The following NCL variants were observed in gnomAD, a reference collection of about 807,000 sequenced individuals.
NCL encodes the protein nucleolin multifunctional protein.
A neutral mutation model predicts 77.7 loss-of-function variants in NCL; 4 were observed. The ratio of observed to expected loss-of-function variants is 0.05; its 90% CI spans 0.03 to 0.12. NCL has a LOEUF of 0.12. NCL is among the 10% of genes least tolerant of loss of function. The pLI is 1.00. For missense variants in NCL, 763 were observed against 860.9 expected, an observed-to-expected ratio of 0.89 and a Z score of 1.42; for synonymous variants, 344 against 297.8, an observed-to-expected ratio of 1.16 and a Z score of -1.60.
chr2:231,454,287 AG>A lies in NCL; in HGVS notation c.*903del, dbSNP rs1229635495. The stretch of plus-strand genomic sequence containing the variant: ...CAGCCTCCTGAGTAGCTGGGACTAC[AG>A]GAGTACACCACCATGCCCAGCTAAT... On this transcript the variant is annotated 3_prime_UTR_variant, in exon 14 of 14. Transcript: ENST00000322723. 2 of 152,442 alleles carry A rather than the reference AG, an allele frequency of 1.3e-5. No homozygotes were observed. The highest frequency in any genetic ancestry group is 2.9e-5 in the Non-Finnish European group (2 of 68,266). The allele number at this position is 152,442 out of a possible 1,614,324, so 9.4% of individuals were successfully genotyped here. A position where few individuals can be genotyped will look rare whatever the true frequency, so the allele number is the denominator to read the frequency against.
chr2:231,457,247 T>A, intron 9 of NCL, 123 bp from the exon 10 acceptor site: 1 of 1,325,176 alleles, frequency 7.5e-7, no homozygotes, highest in Non-Finnish European at 1.1e-6. Context: ...ACTCATGACG[T>A]AAGCTAAATC....
At chr2:231,459,592 C>T (rs1242250352) in intron 6 of NCL, among the ~76,000 whole-genome samples, 3 of 151,660 alleles carry the variant, frequency 2.0e-5, no homozygotes, top group Non-Finnish European at 2.9e-5. Context: ...CAGGTTCAAG[C>T]GATTCTCCCA....
rs11542689 is a variant in NCL at position 231,461,632 on chromosome 2, G to A, written c.521C>T (p.Ala174Val). Residue 174 changes from alanine (A) to valine (V), a missense_variant, in exon 3 of 14, where the codon GCG becomes GTG. By Grantham distance (64) the Ala-to-Val change is moderately conservative. Coordinates refer to ENST00000322723, the MANE Select transcript of NCL (RefSeq NM_005381.3). ...AGGGGCAGCAGCTGCTGCTTTCATC[G>A]CTGCTGGTTCAATTTCATCTTCATC... ...DEDEDEIEPA[A>V]MKAAAAAPAS... 8 of 1,607,054 alleles carry A rather than the reference G, an allele frequency of 5.0e-6. No individual in the cohort carries two copies. Among genetic ancestry groups the A allele is most frequent in the South Asian group, 3.3e-5 (3 of 90,908 alleles).
chr2:231,458,047 A>G (rs1009348865), intron 8 of NCL, among the ~76,000 whole-genome samples: 1 of 152,220 alleles, frequency 6.6e-6, no homozygotes, highest in Non-Finnish European at 1.5e-5. Flanking sequence ...ATTGTAAGAT[A>G]GGCACATTTC....
rs2046905954 is a variant in NCL at position 231,457,812 on chromosome 2, G to A, written c.1290-12C>T. The A allele has an allele frequency of 6.3e-7, 1 of 1,582,756 alleles. No homozygotes were observed. The highest frequency in any genetic ancestry group is 8.6e-7 in the Non-Finnish European group (1 of 1,163,866). ...CAATATAAGCAATCCTGCAATGGAG[G>A]GAGAAGAACTCATGGTTTTTAAAAC... On this transcript the variant is annotated splice_polypyrimidine_tract_variant and intron_variant, in intron 8 of 13. Coordinates refer to ENST00000322723, the MANE Select transcript of NCL (RefSeq NM_005381.3).
chr2:231,461,544 T>G lies in NCL; in HGVS notation c.609A>C (p.Glu203Asp). 1 of 1,613,324 alleles carries G rather than the reference T, an allele frequency of 6.2e-7. No individual in the cohort carries two copies. The highest frequency in any genetic ancestry group is 1.1e-5 in the South Asian group (1 of 91,062). The change falls in exon 3 of 14, where the codon GAA becomes GAC. Residue 203 changes from glutamate (E) to aspartate (D), a missense_variant. Coordinates refer to ENST00000322723, the MANE Select transcript of NCL (RefSeq NM_005381.3). Reference protein sequence around the residue: ...EDDEDDDDDEEDDSEEEAMET... With the variant: ...EDDEDDDDDEDDDSEEEAMET... ...ACTACCAAGACAACTCCTTACCATC[T>G]TCCTCATCGTCATCGTCATCCTCAT...
rs540310957 is a variant in NCL, at chr2:231,453,959, T to G, written c.*1232A>C. ...AGTAAATTCATCACAATGTTGATAG[T>G]CCCGCCTCTCACGTGGCCTTGTCTT... On this transcript the variant is annotated 3_prime_UTR_variant, in exon 14 of 14. Transcript: ENST00000322723. The G allele has an allele frequency of 6.6e-6, 1 of 152,384 alleles. No homozygotes were observed. The highest frequency in any genetic ancestry group is 2.1e-4 in the South Asian group (1 of 4,828). 9.4% of individuals were successfully genotyped at this position (152,384 alleles called of 1,614,324 possible). A position where few individuals can be genotyped will look rare whatever the true frequency, so the allele number is the denominator to read the frequency against.
At position 231,454,854 on chromosome 2, in the gene NCL, AAAAAAAC is replaced by A; in HGVS notation, c.*330_*336del. On this transcript the variant is annotated 3_prime_UTR_variant, in exon 14 of 14. Coordinates refer to ENST00000322723, the MANE Select transcript of NCL (RefSeq NM_005381.3). ...TTACAACCCCACGAACGCAAAAAAA[AAAAAAAC>A]AAAAACAAAACAAAAAAAAGAAACA... 1.0e-5 allele frequency: 2 copies of A among 192,898 alleles called. No individual in the cohort carries two copies. The highest frequency in any genetic ancestry group is 2.1e-5 in the Non-Finnish European group (2 of 94,208). 11.9% of individuals were successfully genotyped at this position (192,898 alleles called of 1,614,324 possible). A position where few individuals can be genotyped will look rare whatever the true frequency, so the allele number is the denominator to read the frequency against.
At position 231,461,760 on chromosome 2, in the gene NCL, G is replaced by C; in HGVS notation, c.393C>G (p.Ala131=). Residue 131 remains alanine, a synonymous_variant, in exon 3 of 14, where the codon GCC becomes GCG. Transcript: ENST00000322723. The part of the protein sequence containing the change: ...TPGKKGAAIP[A]KGAKNGKNAK... ...CATTCTTGCCATTCTTTGCCCCCTTGGCTGGGATGGCAGCACCCTTCTTAC... is the reference window on the plus strand; with the variant it reads ...CATTCTTGCCATTCTTTGCCCCCTTCGCTGGGATGGCAGCACCCTTCTTAC... 6.2e-7 allele frequency: 1 copy of C among 1,614,126 alleles called. No individual in the cohort carries two copies. The highest frequency in any genetic ancestry group is 8.5e-7 in the Non-Finnish European group (1 of 1,180,038).
chr2:231,455,559 C>A lies in NCL; in HGVS notation c.1898G>T (p.Gly633Val), dbSNP rs755209913. 1.2e-6 allele frequency: 2 copies of A among 1,614,204 alleles called. No homozygotes were observed. The highest frequency in any genetic ancestry group is 1.7e-6 in the Non-Finnish European group (2 of 1,180,048). The change falls in exon 13 of 14, where the codon GGT (glycine) becomes GTT (valine). Residue 633 changes from glycine to valine, a missense_variant. Transcript: ENST00000322723. Reference protein sequence around the residue: ...AKAAKEAMEDGEIDGNKVTLD... With the variant: ...AKAAKEAMEDVEIDGNKVTLD... ...GGTAACTTTATTTCCATCAATTTCA[C>A]CGTCTTCCATGGCCTCCTTGGCAGC...
chr2:231,463,295 G>C lies in NCL; in HGVS notation c.40C>G (p.Pro14Ala). The C allele has an allele frequency of 6.2e-7, 1 of 1,610,266 alleles. No individual in the cohort carries two copies. The highest frequency in any genetic ancestry group is 8.5e-7 in the Non-Finnish European group (1 of 1,178,852). The change falls in exon 2 of 14, where the codon CCC becomes GCC. Residue 14 changes from proline to alanine, a missense_variant. Physicochemically the swap from Pro to Ala is conservative, Grantham distance 27. This residue lies in a region of NCL where 590 missense variants were observed against 570.5 expected (regional missense o/e 1.03). Coordinates refer to ENST00000322723, the MANE Select transcript of NCL (RefSeq NM_005381.3). ...LAKAGKNQGD[P>A]KKMAPPPKEV... is the part of the protein sequence containing the mutation. ...TTTGGAGGAGGAGCCATTTTCTTGG[G>C]GTCACCTTGATTTTTACCTGCCTAA...
At chr2:231,458,637 T>C in intron 7 of NCL, 1 of 509,202 alleles carries the variant, frequency 2.0e-6, no homozygotes, top group Non-Finnish European at 3.4e-6. Context: ...TAGACGCGCA[T>C]AACAAAAAAA....
chr2:231,456,930 T>A, intron 10 of NCL, 71 bp downstream of exon 10: 2 of 1,579,134 alleles, frequency 1.3e-6, no homozygotes, highest in Non-Finnish European at 1.7e-6. Flanking sequence ...CAGGATCACA[T>A]GACCTTACGT....
intron 3 of NCL, 30 bp from the exon 4 acceptor site, chr2:231,460,896 CA>C: frequency 1.3e-6 from 2 of 1,558,940 alleles, no homozygotes; most frequent in Non-Finnish European, 1.8e-6. Context: ...AAAATTGCAG[CA>C]ATCTCCCAAA....
chr2:231,463,966 GACCCACGCGGCGCGGCCCACGTGGCA>G (rs2046976094), intron 1 of NCL: 1 of 356,462 alleles, frequency 2.8e-6, no homozygotes, highest in Admixed American at 4.6e-5. Context: ...GAGATTCCAG[GACCCACGCGGCGCGGCCCACGTGGCA>G]GGCCGCGCTC....
Position 231,453,688 on chromosome 2 carries a change from T to G in NCL, c.*1503A>C, listed in dbSNP as rs536359682. 6.5e-6 allele frequency: 1 copy of G among 153,374 alleles called. No homozygotes were observed. Among genetic ancestry groups the G allele is most frequent in the Admixed American group, 6.5e-5 (1 of 15,484 alleles). The allele number at this position is 153,374 out of a possible 1,614,324, so 9.5% of individuals were successfully genotyped here. On this transcript the variant is annotated 3_prime_UTR_variant, in exon 14 of 14. Coordinates refer to ENST00000322723, the MANE Select transcript of NCL (RefSeq NM_005381.3). Reference sequence around the variant, plus strand: ...CACCTTCCTCTCTAGAGCATGAGGGTCTTGGAACTGGATTGTCACCACCCC... The same window carrying G: ...CACCTTCCTCTCTAGAGCATGAGGGGCTTGGAACTGGATTGTCACCACCCC...
chr2:231,458,147 T>C, intron 8 of NCL, 119 bp downstream of exon 8: 1 of 1,364,186 alleles, frequency 7.3e-7, no homozygotes, highest in Non-Finnish European at 9.9e-7. Context: ...AGGCACAAAC[T>C]TACAGGTTAA....
At chr2:231,455,937 A>AC in intron 12 of NCL, 73 bp downstream of exon 12, 1 of 1,608,130 alleles carries the variant, frequency 6.2e-7, no homozygotes, top group Non-Finnish European at 8.5e-7. Context: ...ATGAGAAGAC[A>AC]CATTAGACTC....
intron 9 of NCL, chr2:231,457,386 A>G: frequency 1.3e-6 from 1 of 750,984 alleles, no homozygotes; most frequent in Non-Finnish European, 2.4e-6. Context: ...TGGTCAAGTC[A>G]TTTAAAGTAT....
Sources: gnomAD v4.1 joint callset for allele counts (sites outside exome capture counted in the v4.1 genomes callset) on GRCh38, gnomAD v4.1.1 for gene constraint, gnomAD v4.1.1 regional missense constraint, MANE v1.5 for transcripts, NCBI Gene and HGNC (gene_info 2026-07-23, HGNC 2026-07-21) for gene names.